Variants in STARD3 observed in about 807,000 individuals in gnomAD.
The protein encoded by STARD3 is StAR related lipid transfer domain containing 3.
A neutral mutation model predicts 62.0 loss-of-function variants in STARD3; 39 were observed. The ratio of observed to expected loss-of-function variants is 0.63; its 90% CI spans 0.49 to 0.82. The LOEUF (loss-of-function observed/expected upper bound fraction) is 0.82, where lower values mean the gene tolerates loss of function less well. Among genes scored for constraint, STARD3 ranks in the 40% least tolerant of loss-of-function variants. The pLI is 0.00. For synonymous variants in STARD3, 229 were observed against 242.4 expected, an observed-to-expected ratio of 0.94 and a Z score of 0.51; for missense variants, 543 against 584.5, an observed-to-expected ratio of 0.93 and a Z score of 0.73.
At position 39,662,339 on chromosome 17, in the gene STARD3, C is replaced by T; in HGVS notation, c.1228C>T (p.Leu410Phe). 6.2e-7 allele frequency: 1 copy of T among 1,613,852 alleles called. No individual in the cohort carries two copies. Among genetic ancestry groups the T allele is most frequent in the Non-Finnish European group, 8.5e-7 (1 of 1,179,896 alleles). Residue 410 changes from leucine to phenylalanine, a missense_variant, in exon 14 of 15, where the codon CTC becomes TTC. Physicochemically the swap from Leu to Phe is conservative, Grantham distance 22. Transcript: ENST00000336308. ...CTFVWILNTD[L>F]KGRLPRYLIH... is the part of the protein sequence containing the mutation. ...CTTTGTCTGGATTCTTAATACAGAT[C>T]TCAAGGTGGGGTGCTGGGGGGCTGC...
chr17:39,637,950 C>T (rs1017983904), intron 1 of STARD3, among the ~76,000 whole-genome samples: 1 of 152,176 alleles, frequency 6.6e-6, no homozygotes, highest in African/African-American at 2.4e-5. Flanking sequence ...TTCAGCGCAG[C>T]CCTTCCCTGG....
chr17:39,648,359 C>T (rs1209372518), intron 1 of STARD3, among the ~76,000 whole-genome samples: 2 of 151,744 alleles, frequency 1.3e-5, no homozygotes, highest in East Asian at 1.9e-4. Context: ...CCCAGTTACT[C>T]GGGAGGCTGA....
intron 1 of STARD3, among the ~76,000 whole-genome samples, chr17:39,649,319 A>T (rs1044003459): frequency 6.6e-6 from 1 of 152,192 alleles, no homozygotes; most frequent in African/African-American, 2.4e-5. Context: ...ATTTCCAACA[A>T]CGGGAATATA....
At chr17:39,645,687 G>A (rs562928837) in intron 1 of STARD3, among the ~76,000 whole-genome samples, 29 of 152,102 alleles carry the variant, frequency 1.9e-4, no homozygotes, top group African/African-American at 7.0e-4. Context: ...GGCCAGGCTG[G>A]CCTCAAACTC....
chr17:39,656,997 C>T lies in STARD3; in HGVS notation c.220-11C>T, dbSNP rs369319891. On this transcript the variant is annotated splice_polypyrimidine_tract_variant and intron_variant, in intron 2 of 14. Coordinates refer to ENST00000336308, the MANE Select transcript of STARD3 (RefSeq NM_006804.4). ...TCTACCTGCAGAGCTCTTCCTGTCT[C>T]CCTCTCACAGACCAACACAGGCATC... is the stretch of plus-strand genomic sequence containing the variant. 3 of 1,613,890 alleles carry T rather than the reference C, an allele frequency of 1.9e-6. No homozygotes were observed. The highest frequency in any genetic ancestry group is 2.7e-5 in the African/African-American group (2 of 74,932).
chr17:39,659,104 C>T lies in STARD3; in HGVS notation c.700C>T (p.Gln234Ter), dbSNP rs1280062163. 3.1e-6 allele frequency: 5 copies of T among 1,614,070 alleles called. No homozygotes were observed. Among genetic ancestry groups the T allele is most frequent in the Non-Finnish European group, 4.2e-6 (5 of 1,180,042 alleles). Reference sequence around the variant, plus strand: ...TGCTGGGAAGAAAAGTTTCTCTGCTCAGGTATTTGCCTGCCTACCCCTAAC... The same window carrying T: ...TGCTGGGAAGAAAAGTTTCTCTGCTTAGGTATTTGCCTGCCTACCCCTAAC... ...EVAGKKSFSA[Q>*]EREYIRQGKE... The change falls in exon 8 of 15, where the codon CAG becomes TAG. Residue 234 changes from glutamine to a stop codon, truncating the protein, a stop_gained and splice_region_variant. Transcript: ENST00000336308. LOFTEE classifies it high-confidence loss of function.
At chr17:39,648,160 C>T (rs2057044152) in intron 1 of STARD3, among the ~76,000 whole-genome samples, 2 of 152,140 alleles carry the variant, frequency 1.3e-5, no homozygotes, top group South Asian at 4.1e-4. Context: ...TGGTGGGCGC[C>T]TGTAGTCCCA....
intron 1 of STARD3, among the ~76,000 whole-genome samples, chr17:39,638,331 A>T (rs2056953159): frequency 6.6e-6 from 1 of 152,116 alleles, no homozygotes; most frequent in South Asian, 2.1e-4. Flanking sequence ...CTTGCTGATA[A>T]CCTTTTTCTG....
chr17:39,643,899 G>A (rs1489251007), intron 1 of STARD3, among the ~76,000 whole-genome samples: 1 of 152,238 alleles, frequency 6.6e-6, no homozygotes, highest in Non-Finnish European at 1.5e-5. Flanking sequence ...CAAGGAGTAG[G>A]TGATATTGTT....
intron 1 of STARD3, among the ~76,000 whole-genome samples, chr17:39,639,578 G>A (rs370699833): frequency 6.6e-6 from 1 of 152,214 alleles, no homozygotes; most frequent in Non-Finnish European, 1.5e-5. Context: ...GTGGCTGGGT[G>A]GGGGAACAGG....
At chr17:39,643,934 CTG>C (rs1388800666) in intron 1 of STARD3, among the ~76,000 whole-genome samples, 1 of 152,240 alleles carries the variant, frequency 6.6e-6, no homozygotes, top group Non-Finnish European at 1.5e-5. Flanking sequence ...GGCGAGGAAA[CTG>C]AGGCATGGTG....
At position 39,663,747 on chromosome 17, in the gene STARD3, CTCTAG is replaced by C. The variant is rs1353186354; in HGVS notation, c.*842_*846del. ...GGCTTCAGCGGGGCAAGTTTAAAGT[CTCTAG>C]TCCAGGAATGGAGGTGGGGGTATGG... is the stretch of plus-strand genomic sequence containing the variant. On this transcript the variant is annotated 3_prime_UTR_variant, in exon 15 of 15. Transcript: ENST00000336308. 6.6e-6 allele frequency among the ~76,000 whole-genome samples: 1 copy of C among 151,402 alleles called. No homozygotes were observed. Among genetic ancestry groups the C allele is most frequent in the Non-Finnish European group, 1.5e-5 (1 of 67,824 alleles).
chr17:39,664,001 C>T lies in STARD3; in HGVS notation c.*1093C>T, dbSNP rs1444285124. On this transcript the variant is annotated 3_prime_UTR_variant, in exon 15 of 15. Transcript: ENST00000336308. ...CACTGCCTGCCTTCCTCCTCCCTCC[C>T]GGCTGGCCTGCCCCCTTGCCTGCCT... Among the ~76,000 whole-genome samples, 2 of 152,190 alleles carry T rather than the reference C, an allele frequency of 1.3e-5. No homozygotes were observed. The highest frequency in any genetic ancestry group is 2.9e-5 in the Non-Finnish European group (2 of 68,038).
At chr17:39,654,313 G>A (rs2144986381) in intron 2 of STARD3, among the ~76,000 whole-genome samples, 1 of 152,322 alleles carries the variant, frequency 6.6e-6, no homozygotes, top group Admixed American at 6.5e-5. Context: ...GAGGTGGGAG[G>A]ATTGCTTGAG....
chr17:39,663,051 T>G lies in STARD3; in HGVS notation c.*143T>G. On this transcript the variant is annotated 3_prime_UTR_variant, in exon 15 of 15. Transcript: ENST00000336308. ...CACCGAGCCACGCAGTGCCTGGAGT[T>G]GACTGACTGAGCAGGCTGTGGGGTG... The G allele has an allele frequency of 1.2e-6, 1 of 807,008 alleles. No homozygotes were observed. Among genetic ancestry groups the G allele is most frequent in the South Asian group, 2.0e-5 (1 of 50,282 alleles). The allele number at this position is 807,008 out of a possible 1,614,324, so 50.0% of individuals were successfully genotyped here. A position where few individuals can be genotyped will look rare whatever the true frequency, so the allele number is the denominator to read the frequency against.
In STARD3 at chr17:39,663,029, C is replaced by T. The variant is rs746032564; in HGVS notation, c.*121C>T. 13 of 1,023,116 alleles carry T rather than the reference C, an allele frequency of 1.3e-5. No homozygotes were observed. Among genetic ancestry groups the T allele is most frequent in the Admixed American group, 2.6e-5 (1 of 38,280 alleles). The allele number at this position is 1,023,116 out of a possible 1,614,324, so 63.4% of individuals were successfully genotyped here. A position where few individuals can be genotyped will look rare whatever the true frequency, so the allele number is the denominator to read the frequency against. On this transcript the variant is annotated 3_prime_UTR_variant, in exon 15 of 15. Transcript: ENST00000336308. The stretch of plus-strand genomic sequence containing the variant: ...CTGGCCCCAGGCTGTCACCCTCCAC[C>T]GAGCCACGCAGTGCCTGGAGTTGAC...
rs73296109 is a variant in STARD3, at chr17:39,659,496, G to A, written c.738G>A (p.Thr246=). 86,601 of 1,614,056 alleles carry A rather than the reference G, an allele frequency of 0.054. 2,805 individuals are homozygous for A. Among genetic ancestry groups the A allele is most frequent in the Non-Finnish European group, 0.063 (74,231 of 1,179,950 alleles). The change falls in exon 9 of 15, where the codon ACG becomes ACA. Residue 246 remains threonine, a synonymous_variant. Transcript: ENST00000336308. The part of the protein sequence containing the change: ...REYIRQGKEA[T]AVVDQILAQE... Reference sequence around the variant, plus strand: ...ACATCCGCCAGGGGAAGGAGGCCACGGCAGTGGTGGACCAGATCTTGGCCC... The same window carrying A: ...ACATCCGCCAGGGGAAGGAGGCCACAGCAGTGGTGGACCAGATCTTGGCCC...
rs192235744 is a variant in STARD3 at position 39,660,977 on chromosome 17, G to T, written c.1035-4G>T. On this transcript the variant is annotated splice_region_variant and splice_polypyrimidine_tract_variant and intron_variant, in intron 12 of 14. Coordinates refer to ENST00000336308, the MANE Select transcript of STARD3 (RefSeq NM_006804.4). This position sits in a 1 kb window ranked among gnomAD's most constrained non-coding sequence, Gnocchi z 4.8. The stretch of plus-strand genomic sequence containing the variant: ...GTCCCCTGAACTAACCCTCCCTCCC[G>T]CAGGGACTTCGTGAATGTCCGGCGC... 2 of 1,613,342 alleles carry T rather than the reference G, an allele frequency of 1.2e-6. No individual in the cohort carries two copies. The highest frequency in any genetic ancestry group is 1.3e-5 in the African/African-American group (1 of 74,898).
chr17:39,651,526 C>T (rs969782829), intron 1 of STARD3, among the ~76,000 whole-genome samples: 1 of 151,868 alleles, frequency 6.6e-6, no homozygotes, highest in Non-Finnish European at 1.5e-5. Context: ...AGGCCCCCAC[C>T]AAGCTGGTGA....
Sources: gnomAD v4.1 joint callset for allele counts (sites outside exome capture counted in the v4.1 genomes callset) on GRCh38, gnomAD v4.1.1 for gene constraint, Gnocchi (gnomAD v3.1) non-coding constraint, MANE v1.5 for transcripts, NCBI Gene and HGNC (gene_info 2026-07-23, HGNC 2026-07-21) for gene names.